The following MEI1 variants were observed in gnomAD, a reference collection of about 807,000 sequenced individuals.
The protein encoded by MEI1 is meiosis inhibitor protein 1.
MEI1 carries 103 observed loss-of-function variants against 146.2 expected under a neutral mutation model. That is an observed-to-expected ratio of 0.70 (90% CI 0.60 to 0.83). The LOEUF is 0.83. Among genes scored for constraint, MEI1 ranks in the 40% least tolerant of loss-of-function variants. The pLI, the probability that MEI1 is intolerant of heterozygous loss-of-function variation, is 0.00. For synonymous variants in MEI1, 652 were observed against 628.2 expected (o/e 1.04, Z -0.57); for missense variants, 1,529 against 1,533.0 (o/e 1.00, Z 0.04).
At chr22:41,751,342 C>G (rs911649070) in intron 15 of MEI1, among the ~76,000 whole-genome samples, 5 of 152,196 alleles carry the variant, frequency 3.3e-5, no homozygotes, top group Admixed American at 2.6e-4. Context: ...GAAGTGGGAG[C>G]TTCTGATGTC....
chr22:41,727,343 C>T (rs147726188), intron 7 of MEI1, among the ~76,000 whole-genome samples: 4 of 152,246 alleles, frequency 2.6e-5, no homozygotes, highest in East Asian at 1.9e-4. Context: ...TTGCAGTTAA[C>T]GCTTTTCTTG....
intron 19 of MEI1, among the ~76,000 whole-genome samples, chr22:41,765,187 T>A (rs1168400164): frequency 6.6e-6 from 1 of 152,206 alleles, no homozygotes; most frequent in East Asian, 1.9e-4. Context: ...AGCTAATTAT[T>A]GTATTTTTAG....
At chr22:41,767,352 C>T (rs886786244) in intron 19 of MEI1, among the ~76,000 whole-genome samples, 3 of 152,278 alleles carry the variant, frequency 2.0e-5, no homozygotes, top group Middle Eastern at 3.4e-3. Flanking sequence ...GCCTTCCTGG[C>T]GAGATCTCCT....
At chr22:41,723,353 C>G (rs1404673592) in intron 6 of MEI1, among the ~76,000 whole-genome samples, 1 of 152,116 alleles carries the variant, frequency 6.6e-6, no homozygotes, top group Admixed American at 6.6e-5. Flanking sequence ...GTTGGGACTA[C>G]AGGCACATGC....
intron 11 of MEI1, among the ~76,000 whole-genome samples, chr22:41,739,165 G>A (rs1000297303): frequency 3.3e-5 from 5 of 151,724 alleles, no homozygotes; most frequent in Admixed American, 6.6e-5. Context: ...TTAGCTGGGC[G>A]TGGTGGCGAG....
intron 11 of MEI1, among the ~76,000 whole-genome samples, chr22:41,734,451 G>A (rs572175085): frequency 6.6e-6 from 1 of 152,066 alleles, no homozygotes; most frequent in Admixed American, 6.5e-5. Context: ...AAATTAGTTG[G>A]GCATGATGGC....
intron 3 of MEI1, among the ~76,000 whole-genome samples, chr22:41,712,200 G>T (rs1171443161): frequency 9.5e-4 from 1 of 1,052 alleles, no homozygotes; most frequent in Non-Finnish European, 1.8e-3. Flanking sequence ...GTAAAACTCC[G>T]GCTCAAAAAA....
intron 8 of MEI1, 78 bp downstream of exon 8, chr22:41,729,857 C>A: frequency 1.2e-6 from 1 of 842,346 alleles, no homozygotes; most frequent in Non-Finnish European, 1.8e-6. Context: ...GTATGACAGA[C>A]CCTATGAACT....
At chr22:41,784,891 G>C (rs996754132) in intron 26 of MEI1, 108 bp downstream of exon 26, 103 of 595,730 alleles carry the variant, frequency 1.7e-4, no homozygotes, top group Non-Finnish European at 2.3e-4. Context: ...GGTGGATTAA[G>C]ACTTTTTTAA....
At chr22:41,776,076 C>T (rs5996064) in intron 20 of MEI1, 26 bp from the exon 21 acceptor site, 285,953 of 1,608,712 alleles carry the variant, frequency 0.18, 34,889 homozygotes, top group African/African-American at 0.64. Flanking sequence ...ACCCTCTGAT[C>T]TCTGGCTTTC....
At chr22:41,715,041 A>G (rs965442860) in intron 4 of MEI1, among the ~76,000 whole-genome samples, 16 of 152,192 alleles carry the variant, frequency 1.1e-4, no homozygotes, top group Admixed American at 6.5e-5. Context: ...CAATTATATC[A>G]TAGTTATTTT....
At chr22:41,715,531 G>C (rs1441653110) in intron 4 of MEI1, among the ~76,000 whole-genome samples, 1 of 151,878 alleles carries the variant, frequency 6.6e-6, no homozygotes, top group African/African-American at 2.4e-5. Context: ...GAGTAGCTGG[G>C]ACTACAGGCG....
intron 19 of MEI1, among the ~76,000 whole-genome samples, chr22:41,766,411 C>T (rs900141853): frequency 1.3e-5 from 2 of 151,768 alleles, no homozygotes; most frequent in Admixed American, 1.3e-4. Flanking sequence ...ACCTTCTGAT[C>T]CACCCGCCTC....
intron 1 of MEI1, among the ~76,000 whole-genome samples, chr22:41,700,488 G>T (rs2068619441): frequency 6.6e-6 from 1 of 152,112 alleles, no homozygotes. Context: ...CCGCCACCAC[G>T]CTCGGCTAAT....
intron 3 of MEI1, among the ~76,000 whole-genome samples, chr22:41,712,671 G>GGT (rs1191178804): frequency 0.028 from 1,563 of 56,252 alleles, 27 homozygotes; most frequent in African/African-American, 0.1. Context: ...AATAGAAATA[G>GGT]ATGTGTGTGT....
chr22:41,707,028 C>CAAAA (rs59421678), intron 3 of MEI1, among the ~76,000 whole-genome samples: 28 of 130,876 alleles, frequency 2.1e-4, no homozygotes, highest in African/African-American at 3.1e-4. Flanking sequence ...CCATCTCTAC[C>CAAAA]AAAAAAAAAA....
At chr22:41,758,730 G>C (rs947175914) in intron 18 of MEI1, among the ~76,000 whole-genome samples, 197 bp downstream of exon 18, 1 of 152,234 alleles carries the variant, frequency 6.6e-6, no homozygotes, top group Non-Finnish European at 1.5e-5. Flanking sequence ...TGTGCTGAGA[G>C]ACAGAGGCCT....
At chr22:41,740,204 G>C (rs1252887127) in intron 11 of MEI1, among the ~76,000 whole-genome samples, 2 of 151,984 alleles carry the variant, frequency 1.3e-5, no homozygotes, top group Non-Finnish European at 2.9e-5. Context: ...ATTTTTAGTA[G>C]AGATGCGTTT....
chr22:41,733,185 C>T (rs2072024013), intron 11 of MEI1, among the ~76,000 whole-genome samples: 1 of 152,034 alleles, frequency 6.6e-6, no homozygotes. Flanking sequence ...CATGGTGGCT[C>T]ACACCTGTAA....
Sources: allele counts gnomAD v4.1 joint callset (sites outside exome capture counted in the v4.1 genomes callset), GRCh38; gene constraint gnomAD v4.1.1; transcripts MANE v1.5; gene names NCBI Gene and HGNC (gene_info 2026-07-23, HGNC 2026-07-21).